CFDP1: variants seen among roughly 807,000 people sequenced by gnomAD.
CFDP1 encodes heterochromatin-stabilizing protein CFDP1.
Under a neutral mutation model 40.1 loss-of-function variants are expected in CFDP1, and 31 were observed. That is an observed-to-expected ratio of 0.77 (90% CI 0.58 to 1.04). CFDP1 has a LOEUF of 1.04. Among genes scored for constraint, CFDP1 ranks in the 50% least tolerant of loss-of-function variants. The pLI is 0.00. For synonymous variants in CFDP1, 167 were observed against 120.0 expected (o/e 1.39, Z -2.56); for missense variants, 423 against 343.4 (o/e 1.23, Z -1.83).
chr16:75,327,180 T>C (rs1234165413), intron 5 of CFDP1, among the ~76,000 whole-genome samples: 3 of 152,060 alleles, frequency 2.0e-5, no homozygotes, highest in Non-Finnish European at 2.9e-5. Flanking sequence ...GGCAGGAGAA[T>C]AGCGTGAACC....
At chr16:75,316,030 A>C (rs1274962489) in intron 5 of CFDP1, among the ~76,000 whole-genome samples, 2 of 152,198 alleles carry the variant, frequency 1.3e-5, no homozygotes, top group Non-Finnish European at 2.9e-5. Context: ...TTAAGAGTCC[A>C]GTCTGGTTGA....
At chr16:75,317,984 G>A (rs1441206839) in intron 5 of CFDP1, among the ~76,000 whole-genome samples, 1 of 152,036 alleles carries the variant, frequency 6.6e-6, no homozygotes, top group Non-Finnish European at 1.5e-5. Flanking sequence ...GGCCAAGCAT[G>A]GTGGTACATA....
In CFDP1 at chr16:75,375,939, G is replaced by A. The variant is rs373266776; in HGVS notation, c.650+19151C>T. Among the ~76,000 whole-genome samples, 12 of 152,306 alleles carry A rather than the reference G, an allele frequency of 7.9e-5. No homozygotes were observed. The South Asian group carries it at 2.3e-3, about 29-fold the overall frequency. On this transcript the variant is annotated intron_variant, in intron 5 of 6. Transcript: ENST00000283882. Reference sequence around the variant, plus strand: ...GTTTCTTATAACATTAAGACTGAGCGTTGTGGCTCATGCCTATAATCCTTG... The same window carrying A: ...GTTTCTTATAACATTAAGACTGAGCATTGTGGCTCATGCCTATAATCCTTG...
At chr16:75,309,575 C>T (rs984751558) in intron 5 of CFDP1, among the ~76,000 whole-genome samples, 5 of 151,722 alleles carry the variant, frequency 3.3e-5, no homozygotes, top group African/African-American at 1.2e-4. Context: ...AATCCCAGCA[C>T]TTTGGGAAGC....
chr16:75,319,598 G>C (rs2078348380), intron 5 of CFDP1, among the ~76,000 whole-genome samples: 1 of 152,174 alleles, frequency 6.6e-6, no homozygotes, highest in Non-Finnish European at 1.5e-5. Flanking sequence ...TCAGTTGCCA[G>C]GGTAGCAGCT....
chr16:75,307,481 T>A (rs563876664), intron 5 of CFDP1, among the ~76,000 whole-genome samples: 1 of 152,116 alleles, frequency 6.6e-6, no homozygotes, highest in African/African-American at 2.4e-5. Flanking sequence ...CCCCCCAAAG[T>A]GCTGGGATTA....
At chr16:75,298,872 AATT>A (rs1441560510) in intron 6 of CFDP1, among the ~76,000 whole-genome samples, 1 of 152,174 alleles carries the variant, frequency 6.6e-6, no homozygotes, top group African/African-American at 2.4e-5. Flanking sequence ...GGAGAAAGAA[AATT>A]ATTTTCTTCA....
intron 5 of CFDP1, chr16:75,391,237 T>C (rs1010258088): frequency 4.6e-5 from 7 of 152,202 alleles, no homozygotes; most frequent in African/African-American, 1.7e-4. Context: ...AAACTAGAAG[T>C]AAAAACTGTG....
chr16:75,424,962 C>T (rs75641511), intron 1 of CFDP1, among the ~76,000 whole-genome samples: 3,183 of 152,148 alleles, frequency 0.021, 50 homozygotes, highest in South Asian at 0.035. Context: ...CTACAAAAAC[C>T]TCCAGAACTG....
chr16:75,400,096 C>T (rs1313505562), intron 4 of CFDP1, among the ~76,000 whole-genome samples: 1 of 104,168 alleles, frequency 9.6e-6, no homozygotes, highest in Non-Finnish European at 1.9e-5. Context: ...AGCAAAACTC[C>T]ATCTCAAAAA....
intron 5 of CFDP1, among the ~76,000 whole-genome samples, chr16:75,341,921 T>C (rs1299258494): frequency 6.6e-6 from 1 of 152,202 alleles, no homozygotes; most frequent in Non-Finnish European, 1.5e-5. Flanking sequence ...TTCTGGTCCT[T>C]TGCCTCTCTT....
chr16:75,306,107 A>G lies in CFDP1; in HGVS notation c.651-925T>C, dbSNP rs572436249. Among the ~76,000 whole-genome samples, 34 of 152,348 alleles carry G rather than the reference A, an allele frequency of 2.2e-4. No homozygotes were observed. In the South Asian group the frequency reaches 2.7e-3, roughly 12 times the overall value. Reference sequence around the variant, plus strand: ...CATCTACCAGCATGTAGGAACTTGGAAGTTATTTTCCGCCTCACGGGGATA... The same window carrying G: ...CATCTACCAGCATGTAGGAACTTGGGAGTTATTTTCCGCCTCACGGGGATA... On this transcript the variant is annotated intron_variant, in intron 5 of 6. Transcript: ENST00000283882.
At chr16:75,373,365 T>C (rs1016958827) in intron 5 of CFDP1, among the ~76,000 whole-genome samples, 1 of 152,212 alleles carries the variant, frequency 6.6e-6, no homozygotes, top group African/African-American at 2.4e-5. Flanking sequence ...TGACTGGCCT[T>C]ATACCAAGTT....
chr16:75,414,262 A>C (rs574775406), intron 2 of CFDP1, among the ~76,000 whole-genome samples: 1 of 152,188 alleles, frequency 6.6e-6, no homozygotes, highest in African/African-American at 2.4e-5. Context: ...TGCACAGACT[A>C]TCTCTGGTAG....
chr16:75,312,311 G>A (rs183392605), intron 5 of CFDP1, among the ~76,000 whole-genome samples: 3 of 152,262 alleles, frequency 2.0e-5, no homozygotes, highest in East Asian at 3.9e-4. Context: ...AAAACCAGAA[G>A]TATGACAAGA....
At chr16:75,397,922 C>T (rs553346895) in intron 4 of CFDP1, among the ~76,000 whole-genome samples, 10 of 152,346 alleles carry the variant, frequency 6.6e-5, no homozygotes, top group Admixed American at 3.9e-4. Context: ...ATTAGCTGAT[C>T]TGAGAGGAAC....
chr16:75,430,679 G>T (rs141489331), intron 1 of CFDP1, among the ~76,000 whole-genome samples: 7 of 152,070 alleles, frequency 4.6e-5, no homozygotes, highest in Admixed American at 4.6e-4. Flanking sequence ...GGCCAGGCTG[G>T]TCTTGAACTC....
chr16:75,411,849 A>G lies in CFDP1; in HGVS notation c.506T>C (p.Phe169Ser). Reference sequence around the variant, plus strand: ...CCTTACTTCTTCACCAGCAAAATCAAACACCTTGGTGATTTTAACTTTTTC... The same window carrying G: ...CCTTACTTCTTCACCAGCAAAATCAGACACCTTGGTGATTTTAACTTTTTC... ...ETEKVKITKV[F>S]DFAGEEVRVT... Residue 169 changes from phenylalanine to serine, a missense_variant, in exon 4 of 7, where the codon TTT becomes TCT. Physicochemically the swap from Phe to Ser is radical, Grantham distance 155 (BLOSUM62 -2). Transcript: ENST00000283882. 6.2e-7 allele frequency: 1 copy of G among 1,609,194 alleles called. No homozygotes were observed. The highest frequency in any genetic ancestry group is 8.5e-7 in the Non-Finnish European group (1 of 1,178,974).
At chr16:75,317,615 T>G (rs756681957) in intron 5 of CFDP1, among the ~76,000 whole-genome samples, 2 of 152,186 alleles carry the variant, frequency 1.3e-5, no homozygotes, top group Non-Finnish European at 2.9e-5. Flanking sequence ...ACAGACAATT[T>G]ACATTTCTGA....
Sources: gnomAD v4.1 joint callset for allele counts (sites outside exome capture counted in the v4.1 genomes callset) on GRCh38, gnomAD v4.1.1 for gene constraint, MANE v1.5 for transcripts, NCBI Gene and HGNC (gene_info 2026-07-23, HGNC 2026-07-21) for gene names.